ADAMTS17: variants seen among roughly 807,000 people sequenced by gnomAD.
ADAMTS17 encodes A disintegrin and metalloproteinase with thrombospondin motifs 17.
A neutral mutation model predicts 141.5 loss-of-function variants in ADAMTS17; 113 were observed. That is an observed-to-expected ratio of 0.80 (90% CI 0.69 to 0.93). The LOEUF (loss-of-function observed/expected upper bound fraction) is 0.93. ADAMTS17 is among the 40% of genes least tolerant of loss of function. The pLI is 0.00. For synonymous variants in ADAMTS17, 768 were observed against 630.6 expected (o/e 1.22, Z -3.27); for missense variants, 1,659 against 1,517.9 (o/e 1.09, Z -1.54).
intron 7 of ADAMTS17, among the ~76,000 whole-genome samples, chr15:100,249,513 G>A (rs561963866): frequency 4.7e-4 from 71 of 152,292 alleles, no homozygotes; most frequent in East Asian, 4.6e-3. Flanking sequence ...TGGGCTGTTG[G>A]GGGGAGATGG....
chr15:100,245,962 A>G (rs1230059458), intron 7 of ADAMTS17, among the ~76,000 whole-genome samples: 10 of 151,486 alleles, frequency 6.6e-5, no homozygotes, highest in Non-Finnish European at 1.3e-4. Flanking sequence ...ATGTTTATTC[A>G]CCCCAGTCAC....
intron 8 of ADAMTS17, among the ~76,000 whole-genome samples, chr15:100,193,859 G>A (rs1000507600): frequency 6.6e-6 from 1 of 152,170 alleles, no homozygotes; most frequent in Non-Finnish European, 1.5e-5. Flanking sequence ...ACCCGAGGAG[G>A]GGCAGGTCTG....
chr15:99,981,087 A>G (rs1353677650), intron 20 of ADAMTS17, among the ~76,000 whole-genome samples: 1 of 152,194 alleles, frequency 6.6e-6, no homozygotes, highest in Non-Finnish European at 1.5e-5. Context: ...CGAGTGGTCC[A>G]GGGACCCCAT....
At chr15:100,105,624 G>A (rs544283159) in intron 14 of ADAMTS17, among the ~76,000 whole-genome samples, 198 of 152,310 alleles carry the variant, frequency 1.3e-3, no homozygotes, top group African/African-American at 4.5e-3. Context: ...TAGGTCAAGA[G>A]GGGGTAGAGC....
At chr15:100,323,760 A>C (rs1369156575) in intron 3 of ADAMTS17, among the ~76,000 whole-genome samples, 2 of 152,252 alleles carry the variant, frequency 1.3e-5, no homozygotes, top group Non-Finnish European at 2.9e-5. Flanking sequence ...AAGATGGATA[A>C]ATCTAGAAGA....
chr15:100,281,140 G>C lies in ADAMTS17; in HGVS notation c.789+89C>G, dbSNP rs74039169. On this transcript the variant is annotated intron_variant, in intron 4 of 21. Coordinates refer to ENST00000268070, the MANE Select transcript of ADAMTS17 (RefSeq NM_139057.4). ...CCCCAACCCAGCGTCTTCCTCACTTGAGGAGATGAGGACACAGCACCTGCT... is the reference window on the plus strand; with the variant it reads ...CCCCAACCCAGCGTCTTCCTCACTTCAGGAGATGAGGACACAGCACCTGCT... 1,542 of 1,549,534 alleles carry C rather than the reference G, an allele frequency of 1.0e-3. 20 individuals carry two copies. In the African/African-American group the frequency reaches 0.018, roughly 18 times the overall value.
intron 20 of ADAMTS17, among the ~76,000 whole-genome samples, chr15:99,980,997 C>T (rs1202001781): frequency 6.6e-6 from 1 of 152,210 alleles, no homozygotes; most frequent in Admixed American, 6.5e-5. Context: ...GAACGTTCCA[C>T]AACAATCCTC....
rs541262599 is a variant in ADAMTS17, at chr15:100,037,552, ACATGC to A, written c.2591+11300_2591+11304del. Reference sequence around the variant, plus strand: ...GTCCCCTGAGTAGCTGAGACTACAGACATGCACCACCACACCCAAGTAATTTTTTG... The same window carrying A: ...GTCCCCTGAGTAGCTGAGACTACAGAACCACCACACCCAAGTAATTTTTTG... On this transcript the variant is annotated intron_variant, in intron 18 of 21. Coordinates refer to ENST00000268070, the MANE Select transcript of ADAMTS17 (RefSeq NM_139057.4). Among the ~76,000 whole-genome samples the A allele has an allele frequency of 1.0e-3, 157 of 152,110 alleles. 2 individuals carry two copies. The South Asian group carries it at 0.011, about 11-fold the overall frequency.
chr15:100,029,883 G>T (rs921026528), intron 18 of ADAMTS17, among the ~76,000 whole-genome samples: 1 of 152,180 alleles, frequency 6.6e-6, no homozygotes, highest in Non-Finnish European at 1.5e-5. Context: ...TGCTATCAGA[G>T]CCCTAGCTAG....
At chr15:100,086,606 C>T (rs113918134) in intron 15 of ADAMTS17, among the ~76,000 whole-genome samples, 1 of 151,914 alleles carries the variant, frequency 6.6e-6, no homozygotes, top group East Asian at 1.9e-4. Context: ...GTGAAGTACT[C>T]CTCAGCAAAT....
At chr15:100,049,646 T>C (rs536688346) in intron 17 of ADAMTS17, among the ~76,000 whole-genome samples, 6 of 152,262 alleles carry the variant, frequency 3.9e-5, no homozygotes, top group Admixed American at 2.0e-4. Flanking sequence ...GGCCATGCCT[T>C]TGTCACCCTA....
At chr15:100,260,140 C>T (rs559497515) in intron 6 of ADAMTS17, among the ~76,000 whole-genome samples, 46 of 152,194 alleles carry the variant, frequency 3.0e-4, no homozygotes, top group Non-Finnish European at 5.4e-4. Context: ...CCATCGCTCC[C>T]GGCTTATTCT....
In ADAMTS17 at chr15:100,210,177, G is replaced by A. The variant is rs898747642; in HGVS notation, c.1076-10754C>T. Among the ~76,000 whole-genome samples the A allele has an allele frequency of 2.9e-5, 4 of 137,784 alleles. No homozygotes were observed. The Admixed American group carries it at 3.2e-4, about 11-fold the overall frequency. 90.4% of individuals were successfully genotyped at this position (137,784 alleles called of 152,430 possible). On this transcript the variant is annotated intron_variant, in intron 7 of 21. Coordinates refer to ENST00000268070, the MANE Select transcript of ADAMTS17 (RefSeq NM_139057.4). The stretch of plus-strand genomic sequence containing the variant: ...ACCTGGGAGGAGGAGCTTGCAGTGA[G>A]CCGAGATCGTGCCACTGCACTCCAG...
intron 18 of ADAMTS17, among the ~76,000 whole-genome samples, chr15:100,037,679 G>A (rs559239394): frequency 1.3e-5 from 2 of 152,144 alleles, no homozygotes; most frequent in African/African-American, 2.4e-5. Context: ...AAAGTGCTGG[G>A]ATTACAGGCA....
intron 15 of ADAMTS17, among the ~76,000 whole-genome samples, chr15:100,058,467 C>T (rs2032833098): frequency 6.6e-6 from 1 of 152,242 alleles, no homozygotes; most frequent in South Asian, 2.1e-4. Context: ...TTTAAAGTGA[C>T]TCTGAATGAC....
intron 10 of ADAMTS17, among the ~76,000 whole-genome samples, chr15:100,138,967 G>C (rs1596534949): frequency 6.6e-6 from 1 of 152,186 alleles, no homozygotes; most frequent in Admixed American, 6.5e-5. Context: ...CCCGGTAATA[G>C]GGGAAGAGAC....
intron 3 of ADAMTS17, among the ~76,000 whole-genome samples, chr15:100,295,533 G>A (rs2044778314): frequency 6.6e-6 from 1 of 152,152 alleles, no homozygotes; most frequent in Non-Finnish European, 1.5e-5. Flanking sequence ...CAGCCATCTA[G>A]GCACCAACTT....
At chr15:100,334,371 TTCAG>T (rs2046144616) in intron 2 of ADAMTS17, among the ~76,000 whole-genome samples, 1 of 152,206 alleles carries the variant, frequency 6.6e-6, no homozygotes, top group Non-Finnish European at 1.5e-5. Context: ...ATTCCCTTTC[TTCAG>T]GAGTCTGCAG....
At chr15:100,292,949 C>A (rs1324401721) in intron 3 of ADAMTS17, among the ~76,000 whole-genome samples, 4 of 152,230 alleles carry the variant, frequency 2.6e-5, no homozygotes, top group Non-Finnish European at 5.9e-5. Flanking sequence ...GAAGACCCCA[C>A]AGAGGGACCA....
Sources: allele counts gnomAD v4.1 joint callset (sites outside exome capture counted in the v4.1 genomes callset), GRCh38; gene constraint gnomAD v4.1.1; transcripts MANE v1.5; gene names NCBI Gene and HGNC (gene_info 2026-07-23, HGNC 2026-07-21).